The following PRND variants were observed in gnomAD, a reference collection of about 807,000 sequenced individuals.
PRND encodes the protein prion like protein doppel.
For synonymous variants in PRND, 94 were observed against 93.2 expected, an observed-to-expected ratio of 1.01 and a Z score of -0.05; for missense variants, 227 against 223.3, an observed-to-expected ratio of 1.02 and a Z score of -0.11.
In PRND at chr20:4,724,184, A is replaced by G. The variant is rs915314884; in HGVS notation, c.-11-357A>G. ...AACTCTTCTATTGTATTTTCCTCCC[A>G]GGGATTTCTTGATTTGAAAGACTTG... On this transcript the variant is annotated intron_variant, in intron 1 of 1. Coordinates refer to ENST00000305817, the MANE Select transcript of PRND (RefSeq NM_012409.4). This position sits in a 1 kb window ranked among gnomAD's most constrained non-coding sequence, Gnocchi z 4.8. Among the ~76,000 whole-genome samples the G allele has an allele frequency of 2.6e-5, 4 of 151,950 alleles. No homozygotes were observed. The highest frequency in any genetic ancestry group is 5.9e-5 in the Non-Finnish European group (4 of 67,980).
rs559656875 is a variant in PRND at position 4,727,154 on chromosome 20, G to A, written c.*2072G>A. On this transcript the variant is annotated 3_prime_UTR_variant, in exon 2 of 2. Coordinates refer to ENST00000305817, the MANE Select transcript of PRND (RefSeq NM_012409.4). ...CTCCTAAGTTTAATTACAACAGCAC[G>A]TGCAGCCACGTCAGCCAAATGACTT... 3 of 167,184 alleles carry A rather than the reference G, an allele frequency of 1.8e-5. No homozygotes were observed. The highest frequency in any genetic ancestry group is 7.2e-5 in the African/African-American group (3 of 41,572). The allele number at this position is 167,184 out of a possible 1,614,324, so 10.4% of individuals were successfully genotyped here.
Position 4,727,664 on chromosome 20 carries a change from T to G in PRND, c.*2582T>G, listed in dbSNP as rs1186506519. 1.2e-5 allele frequency: 2 copies of G among 167,064 alleles called. No individual in the cohort carries two copies. Among genetic ancestry groups the G allele is most frequent in the African/African-American group, 4.8e-5 (2 of 41,438 alleles). The allele number at this position is 167,064 out of a possible 1,614,324, so 10.3% of individuals were successfully genotyped here. A position where few individuals can be genotyped will look rare whatever the true frequency, so the allele number is the denominator to read the frequency against. ...ATCTGATTGAGTCAGTGTTTGCTGT[T>G]TCCCCTGCACTTTCCTAGTTCTTAA... On this transcript the variant is annotated 3_prime_UTR_variant, in exon 2 of 2. Coordinates refer to ENST00000305817, the MANE Select transcript of PRND (RefSeq NM_012409.4).
intron 1 of PRND, among the ~76,000 whole-genome samples, chr20:4,723,108 GT>G (rs1923152675): frequency 6.6e-6 from 1 of 152,196 alleles, no homozygotes; most frequent in South Asian, 2.1e-4. Flanking sequence ...ATCATACCCA[GT>G]GAGTGAAAAG....
rs1245459207 is a variant in PRND, at chr20:4,724,025, CAT to C, written c.-11-511_-11-510del. Among the ~76,000 whole-genome samples the C allele has an allele frequency of 1.1e-4, 14 of 132,194 alleles. No individual in the cohort carries two copies. The highest frequency in any genetic ancestry group is 2.9e-4 in the African/African-American group (10 of 33,940). 86.7% of individuals were successfully genotyped at this position (132,194 alleles called of 152,430 possible). ...GTATATATATATGTGTGTATATATA[CAT>C]ATATGTGTGTATATATGTATATATG... On this transcript the variant is annotated intron_variant, in intron 1 of 1. Transcript: ENST00000305817. The surrounding 1 kb of genome is among the most constrained non-coding windows in gnomAD (Gnocchi z 4.8).
Position 4,725,258 on chromosome 20 carries a change from TGGG to T in PRND, c.*179_*181del. On this transcript the variant is annotated 3_prime_UTR_variant, in exon 2 of 2. Transcript: ENST00000305817. ...TGGTATGTGCCTGCGTTCTGATAGA[TGGG>T]GGACTGTGGCTTCTCCGTCACTCCA... 2 of 743,808 alleles carry T rather than the reference TGGG, an allele frequency of 2.7e-6. No homozygotes were observed. The highest frequency in any genetic ancestry group is 4.4e-6 in the Non-Finnish European group (2 of 452,832). The allele number at this position is 743,808 out of a possible 1,614,324, so 46.1% of individuals were successfully genotyped here. A position where few individuals can be genotyped will look rare whatever the true frequency, so the allele number is the denominator to read the frequency against.
intron 1 of PRND, among the ~76,000 whole-genome samples, chr20:4,723,957 T>C (rs1340329933): frequency 1.3e-5 from 2 of 151,502 alleles, no homozygotes; most frequent in Non-Finnish European, 2.9e-5. Flanking sequence ...TGTGTGTGTG[T>C]GTGTGTGTGT....
chr20:4,727,349 G>A lies in PRND; in HGVS notation c.*2267G>A, dbSNP rs528299685. On this transcript the variant is annotated 3_prime_UTR_variant, in exon 2 of 2. Coordinates refer to ENST00000305817, the MANE Select transcript of PRND (RefSeq NM_012409.4). Reference sequence around the variant, plus strand: ...GTTTATGGGGCTTTTAATCGAACGCGTGTGTGCCTGAACATTCTTGCTCAA... The same window carrying A: ...GTTTATGGGGCTTTTAATCGAACGCATGTGTGCCTGAACATTCTTGCTCAA... 7 of 167,164 alleles carry A rather than the reference G, an allele frequency of 4.2e-5. No individual in the cohort carries two copies. The East Asian group carries it at 7.7e-4, about 18-fold the overall frequency. The allele number at this position is 167,164 out of a possible 1,614,324, so 10.4% of individuals were successfully genotyped here. A position where few individuals can be genotyped will look rare whatever the true frequency, so the allele number is the denominator to read the frequency against.
At position 4,724,318 on chromosome 20, in the gene PRND, C is replaced by T. The variant is rs1048827124; in HGVS notation, c.-11-223C>T. On this transcript the variant is annotated intron_variant, in intron 1 of 1. Transcript: ENST00000305817. This position sits in a 1 kb window ranked among gnomAD's most constrained non-coding sequence, Gnocchi z 4.8. ...TGCCATTCTTACCTGTCTCGGAAAC[C>T]GGGACCAGAGCCCTGAGTGAATGTA... Among the ~76,000 whole-genome samples the T allele has an allele frequency of 2.6e-5, 4 of 152,146 alleles. No homozygotes were observed. Among genetic ancestry groups the T allele is most frequent in the East Asian group, 1.9e-4 (1 of 5,196 alleles).
rs1243683620 is a variant in PRND at position 4,724,868 on chromosome 20, C to T, written c.317C>T (p.Thr106Ile). The change falls in exon 2 of 2, where the codon ACC becomes ATC. Residue 106 changes from threonine to isoleucine, a missense_variant. By Grantham distance (89) the Thr-to-Ile change is moderately conservative (BLOSUM62 -1). Transcript: ENST00000305817. This position sits in a 1 kb window ranked among gnomAD's most constrained non-coding sequence, Gnocchi z 4.8. ...EANVTKEAFV[T>I]GCINATQAAN... ...AATGTGACCAAGGAGGCATTTGTCA[C>T]CGGCTGCATCAATGCCACCCAGGCG... 2 of 1,614,086 alleles carry T rather than the reference C, an allele frequency of 1.2e-6. No individual in the cohort carries two copies. Among genetic ancestry groups the T allele is most frequent in the East Asian group, 2.2e-5 (1 of 44,890 alleles).
In PRND at chr20:4,724,050, A is replaced by ATG. The variant is rs35664218; in HGVS notation, c.-11-483_-11-482dup. On this transcript the variant is annotated intron_variant, in intron 1 of 1. Coordinates refer to ENST00000305817, the MANE Select transcript of PRND (RefSeq NM_012409.4). This position sits in a 1 kb window ranked among gnomAD's most constrained non-coding sequence, Gnocchi z 4.8. ...CATATATGTGTGTATATATGTATATATGTGTGTGTATATACGTGTATATAT... is the reference window on the plus strand; with the variant it reads ...CATATATGTGTGTATATATGTATATATGTGTGTGTGTATATACGTGTATATAT... Among the ~76,000 whole-genome samples, 80,627 of 149,436 alleles carry ATG rather than the reference A, an allele frequency of 0.54. 22,428 individuals carry two copies. The highest frequency in any genetic ancestry group is 0.66 in the African/African-American group (26,420 of 40,218).
chr20:4,725,981 C>T lies in PRND; in HGVS notation c.*899C>T, dbSNP rs1923253390. 6.6e-6 allele frequency: 1 copy of T among 152,646 alleles called. No individual in the cohort carries two copies. The highest frequency in any genetic ancestry group is 7.1e-5 in the Admixed American group (1 of 14,096). 9.5% of individuals were successfully genotyped at this position (152,646 alleles called of 1,614,324 possible). A position where few individuals can be genotyped will look rare whatever the true frequency, so the allele number is the denominator to read the frequency against. ...GCTCAAGCACTTTTCCTGTCTCAGC[C>T]TTCCGAGTAGCTGGGATTACAGGTG... is the stretch of plus-strand genomic sequence containing the variant. On this transcript the variant is annotated 3_prime_UTR_variant, in exon 2 of 2. Coordinates refer to ENST00000305817, the MANE Select transcript of PRND (RefSeq NM_012409.4).
chr20:4,722,421 A>G (rs2756265), intron 1 of PRND, among the ~76,000 whole-genome samples: 86,043 of 151,538 alleles, frequency 0.57, 25,733 homozygotes, highest in African/African-American at 0.76. Flanking sequence ...TGTGCTCAGG[A>G]GGCAGAGAGA....
At position 4,727,617 on chromosome 20, in the gene PRND, A is replaced by G. The variant is rs564222132; in HGVS notation, c.*2535A>G. The G allele has an allele frequency of 6.0e-6, 1 of 167,202 alleles. No homozygotes were observed. The highest frequency in any genetic ancestry group is 2.1e-4 in the South Asian group (1 of 4,818). 10.4% of individuals were successfully genotyped at this position (167,202 alleles called of 1,614,324 possible). A position where few individuals can be genotyped will look rare whatever the true frequency, so the allele number is the denominator to read the frequency against. ...AAAATTACAACAGATATTCCAGACC[A>G]AAATAATACAACAATCCCAGCATCT... is the stretch of plus-strand genomic sequence containing the variant. On this transcript the variant is annotated 3_prime_UTR_variant, in exon 2 of 2. Coordinates refer to ENST00000305817, the MANE Select transcript of PRND (RefSeq NM_012409.4).
Position 4,726,031 on chromosome 20 carries a change from T to C in PRND, c.*949T>C, listed in dbSNP as rs1923256062. 6.5e-6 allele frequency: 1 copy of C among 154,298 alleles called. No homozygotes were observed. The highest frequency in any genetic ancestry group is 6.6e-5 in the Admixed American group (1 of 15,264). The allele number at this position is 154,298 out of a possible 1,614,324, so 9.6% of individuals were successfully genotyped here. A position where few individuals can be genotyped will look rare whatever the true frequency, so the allele number is the denominator to read the frequency against. The stretch of plus-strand genomic sequence containing the variant: ...GTGTGCCATCATGCCTGACTAATTT[T>C]GTATTTTTAGTAGAGACAGGGTTTC... On this transcript the variant is annotated 3_prime_UTR_variant, in exon 2 of 2. Coordinates refer to ENST00000305817, the MANE Select transcript of PRND (RefSeq NM_012409.4).
chr20:4,724,434 T>C lies in PRND; in HGVS notation c.-11-107T>C. The stretch of plus-strand genomic sequence containing the variant: ...AATTATGCTTTTGAGACCACATAAA[T>C]AGCACAAGGATGCGATTCCTTCCTT... On this transcript the variant is annotated intron_variant, in intron 1 of 1. Transcript: ENST00000305817. This position sits in a 1 kb window ranked among gnomAD's most constrained non-coding sequence, Gnocchi z 4.8. The C allele has an allele frequency of 1.4e-6, 2 of 1,402,102 alleles. No homozygotes were observed. Among genetic ancestry groups the C allele is most frequent in the South Asian group, 2.3e-5 (2 of 85,800 alleles). The allele number at this position is 1,402,102 out of a possible 1,614,324, so 86.9% of individuals were successfully genotyped here.
chr20:4,724,852 A>G lies in PRND; in HGVS notation c.301A>G (p.Lys101Glu), dbSNP rs1923213921. The G allele has an allele frequency of 6.2e-7, 1 of 1,614,074 alleles. No individual in the cohort carries two copies. The highest frequency in any genetic ancestry group is 1.3e-5 in the African/African-American group (1 of 74,920). ...CGGCTGCTCTGAGGCTAATGTGACCAAGGAGGCATTTGTCACCGGCTGCAT... is the reference window on the plus strand; with the variant it reads ...CGGCTGCTCTGAGGCTAATGTGACCGAGGAGGCATTTGTCACCGGCTGCAT... ...YNGCSEANVTKEAFVTGCINA... is the reference protein window; with the variant it reads ...YNGCSEANVTEEAFVTGCINA... The change falls in exon 2 of 2, where the codon AAG becomes GAG. Residue 101 changes from lysine (K) to glutamate (E), a missense_variant. Transcript: ENST00000305817. This position sits in a 1 kb window ranked among gnomAD's most constrained non-coding sequence, Gnocchi z 4.8.
rs1601038882 is a variant in PRND at position 4,725,214 on chromosome 20, C to A, written c.*132C>A. 3 of 1,180,188 alleles carry A rather than the reference C, an allele frequency of 2.5e-6. No homozygotes were observed. Among genetic ancestry groups the A allele is most frequent in the Non-Finnish European group, 1.2e-6 (1 of 829,938 alleles). 73.1% of individuals were successfully genotyped at this position (1,180,188 alleles called of 1,614,324 possible). A position where few individuals can be genotyped will look rare whatever the true frequency, so the allele number is the denominator to read the frequency against. Reference sequence around the variant, plus strand: ...GGCGATGCACTCGCACTGCAAATGCCGCTCTCACGTATGCGCCCTGGTATG... The same window carrying A: ...GGCGATGCACTCGCACTGCAAATGCAGCTCTCACGTATGCGCCCTGGTATG... On this transcript the variant is annotated 3_prime_UTR_variant, in exon 2 of 2. Transcript: ENST00000305817.
chr20:4,723,126 G>A (rs1175022313), intron 1 of PRND, among the ~76,000 whole-genome samples: 19 of 152,202 alleles, frequency 1.2e-4, no homozygotes, highest in Non-Finnish European at 2.5e-4. Flanking sequence ...AAAGCACAGT[G>A]TGTGAGCACT....
In PRND at chr20:4,725,327, A is replaced by G; in HGVS notation, c.*245A>G. ...AGAGCGTCTGGCACACTAGATTAGT[A>G]GTAAATGCTTGATGAGAAGAACACA... On this transcript the variant is annotated 3_prime_UTR_variant, in exon 2 of 2. Coordinates refer to ENST00000305817, the MANE Select transcript of PRND (RefSeq NM_012409.4). 1.9e-6 allele frequency: 1 copy of G among 535,978 alleles called. No homozygotes were observed. Among genetic ancestry groups the G allele is most frequent in the East Asian group, 3.1e-5 (1 of 31,870 alleles). The allele number at this position is 535,978 out of a possible 1,614,324, so 33.2% of individuals were successfully genotyped here.
Sources: gnomAD v4.1 joint callset for allele counts (sites outside exome capture counted in the v4.1 genomes callset) on GRCh38, gnomAD v4.1.1 for gene constraint, Gnocchi (gnomAD v3.1) non-coding constraint, MANE v1.5 for transcripts, NCBI Gene and HGNC (gene_info 2026-07-23, HGNC 2026-07-21) for gene names.